SDHAF3: variants seen among roughly 807,000 people sequenced by gnomAD.
The protein encoded by SDHAF3 is succinate dehydrogenase complex assembly factor 3.
SDHAF3 carries 18 observed loss-of-function variants against 11.5 expected under a neutral mutation model. The ratio of observed to expected loss-of-function variants is 1.56; its 90% CI spans 1.08 to 2.32. The LOEUF is 2.32. Among genes scored for constraint, SDHAF3 ranks in the 30% most tolerant of loss-of-function variants. SDHAF3 has a pLI of 0.00. For synonymous variants in SDHAF3, 72 were observed against 59.3 expected, an observed-to-expected ratio of 1.21 and a Z score of -0.99; for missense variants, 200 against 154.4, an observed-to-expected ratio of 1.30 and a Z score of -1.57.
chr7:97,134,290 A>G (rs1274274354), intron 1 of SDHAF3, among the ~76,000 whole-genome samples: 1 of 152,190 alleles, frequency 6.6e-6, no homozygotes, highest in Non-Finnish European at 1.5e-5. Context: ...CATGGGCCTC[A>G]AGAGTTTGTG....
At chr7:97,154,162 C>G (rs562292398) in intron 1 of SDHAF3, among the ~76,000 whole-genome samples, 339 of 134,820 alleles carry the variant, frequency 2.5e-3, no homozygotes, top group African/African-American at 9.1e-3. Context: ...TACAAAGAAC[C>G]TTCTTAAGGG....
chr7:97,132,320 G>GT (rs1183241474), intron 1 of SDHAF3, among the ~76,000 whole-genome samples: 9 of 152,040 alleles, frequency 5.9e-5, no homozygotes, highest in Non-Finnish European at 1.2e-4. Context: ...TTCTTGTTGA[G>GT]TTTTGTAAAT....
chr7:97,170,923 T>A (rs992264363), intron 1 of SDHAF3, among the ~76,000 whole-genome samples: 5 of 152,214 alleles, frequency 3.3e-5, no homozygotes, highest in African/African-American at 9.6e-5. Context: ...AAGCTATCAA[T>A]CATCTTTGAC....
chr7:97,155,944 T>C (rs1789295118), intron 1 of SDHAF3, among the ~76,000 whole-genome samples: 1 of 152,188 alleles, frequency 6.6e-6, no homozygotes, highest in Non-Finnish European at 1.5e-5. Flanking sequence ...TTGAAAGTTT[T>C]AGGTTGTTTT....
intron 1 of SDHAF3, among the ~76,000 whole-genome samples, chr7:97,167,004 T>C (rs1789515521): frequency 6.6e-6 from 1 of 152,182 alleles, no homozygotes; most frequent in Non-Finnish European, 1.5e-5. Context: ...AGGCACTTTC[T>C]TTCTTGACAA....
intron 1 of SDHAF3, among the ~76,000 whole-genome samples, chr7:97,121,197 A>G (rs1290135397): frequency 1.3e-5 from 2 of 152,204 alleles, no homozygotes; most frequent in African/African-American, 2.4e-5. Context: ...ACGGCATTTT[A>G]AAAGTTCTGA....
intron 1 of SDHAF3, among the ~76,000 whole-genome samples, chr7:97,179,746 A>G (rs865813512): frequency 8.5e-5 from 11 of 129,976 alleles, no homozygotes; most frequent in African/African-American, 1.4e-4. Context: ...AAATAGTGCC[A>G]AGGTTGAAAA....
intron 1 of SDHAF3, among the ~76,000 whole-genome samples, chr7:97,159,221 A>T (rs1157197608): frequency 6.6e-6 from 1 of 152,220 alleles, no homozygotes; most frequent in African/African-American, 2.4e-5. Context: ...TAGTTTGTAG[A>T]TGTTCCTGTT....
At chr7:97,153,869 C>T (rs1000715290) in intron 1 of SDHAF3, among the ~76,000 whole-genome samples, 2 of 152,128 alleles carry the variant, frequency 1.3e-5, no homozygotes, top group East Asian at 3.9e-4. Context: ...TGGATGTTGG[C>T]TGTTTTAATT....
chr7:97,169,048 A>G (rs1181775935), intron 1 of SDHAF3, among the ~76,000 whole-genome samples: 10 of 152,198 alleles, frequency 6.6e-5, no homozygotes, highest in Admixed American at 6.5e-4. Context: ...TTTGCCTTTC[A>G]GGGCTGGGTG....
At chr7:97,125,276 TTTGTTTGCTC>T (rs1179166184) in intron 1 of SDHAF3, among the ~76,000 whole-genome samples, 3 of 152,220 alleles carry the variant, frequency 2.0e-5, no homozygotes, top group Non-Finnish European at 2.9e-5. Flanking sequence ...AGTTTTTGAA[TTTGTTTGCTC>T]TTGTTTGCCT....
At chr7:97,148,854 T>C (rs1164400558) in intron 1 of SDHAF3, among the ~76,000 whole-genome samples, 1 of 152,128 alleles carries the variant, frequency 6.6e-6, no homozygotes, top group Non-Finnish European at 1.5e-5. Context: ...ATATATATTA[T>C]CTGTAGCTAT....
At position 97,163,974 on chromosome 7, in the gene SDHAF3, A is replaced by C. The variant is rs201927983; in HGVS notation, c.175-17038A>C. Among the ~76,000 whole-genome samples, 17 of 150,200 alleles carry C rather than the reference A, an allele frequency of 1.1e-4. No homozygotes were observed. In the East Asian group the frequency reaches 3.1e-3, roughly 28 times the overall value. ...TTCTTTTTTTTTTTTTTTGAGACAC[A>C]GTCTTGCTCTGTTGCCAGGCTGGAA... On this transcript the variant is annotated intron_variant, in intron 1 of 1. Coordinates refer to ENST00000432641, the MANE Select transcript of SDHAF3 (RefSeq NM_020186.3).
chr7:97,117,837 A>G lies in SDHAF3; in HGVS notation c.114A>G (p.Glu38=), dbSNP rs1331162521. ...TGGGCGACCAGTACGTGAAAGACGA[A>G]TTTAGGAGACATAAGACCGTTGGTT... The part of the protein sequence containing the change: ...KSLGDQYVKD[E]FRRHKTVGSD... Residue 38 remains glutamate (E), a synonymous_variant, in exon 1 of 2, where the codon GAA becomes GAG. Coordinates refer to ENST00000432641, the MANE Select transcript of SDHAF3 (RefSeq NM_020186.3). The G allele has an allele frequency of 6.2e-7, 1 of 1,614,196 alleles. No individual in the cohort carries two copies. Among genetic ancestry groups the G allele is most frequent in the East Asian group, 2.2e-5 (1 of 44,880 alleles).
chr7:97,155,687 G>C (rs1254933822), intron 1 of SDHAF3, among the ~76,000 whole-genome samples: 9 of 151,990 alleles, frequency 5.9e-5, no homozygotes, highest in African/African-American at 2.2e-4. Flanking sequence ...TTTGATATTT[G>C]GTGTATATAC....
rs745998863 is a variant in SDHAF3, at chr7:97,117,895, G to C, written c.172G>C (p.Glu58Gln). 2 of 1,613,964 alleles carry C rather than the reference G, an allele frequency of 1.2e-6. No individual in the cohort carries two copies. Among genetic ancestry groups the C allele is most frequent in the Non-Finnish European group, 1.7e-6 (2 of 1,179,836 alleles). The change falls in exon 1 of 2, where the codon GAG (glutamate) becomes CAG (glutamine). Residue 58 changes from glutamate to glutamine, a missense_variant and splice_region_variant. Physicochemically the swap from Glu to Gln is conservative, Grantham distance 29. Coordinates refer to ENST00000432641, the MANE Select transcript of SDHAF3 (RefSeq NM_020186.3). ...DEAQRFLQEW[E>Q]VYATALLQQA... ...GGCACAGCGTTTCTTGCAAGAATGG[G>C]AGGCAAGTGACGCTCCCTTCTCTTT...
intron 1 of SDHAF3, among the ~76,000 whole-genome samples, chr7:97,151,509 T>TC (rs930925278): frequency 6.7e-6 from 1 of 150,288 alleles, no homozygotes; most frequent in Non-Finnish European, 1.5e-5. Context: ...AGTCCTTTTT[T>TC]TTTTTTTGAG....
chr7:97,169,755 A>AAATT (rs1223999180), intron 1 of SDHAF3, among the ~76,000 whole-genome samples: 1 of 152,124 alleles, frequency 6.6e-6, no homozygotes, highest in Non-Finnish European at 1.5e-5. Flanking sequence ...AAAAAAGAAA[A>AAATT]AATTATAGTT....
chr7:97,150,242 T>C (rs1789197165), intron 1 of SDHAF3, among the ~76,000 whole-genome samples: 1 of 152,250 alleles, frequency 6.6e-6, no homozygotes, highest in Non-Finnish European at 1.5e-5. Flanking sequence ...CCTGTTAATG[T>C]TGATAGTTTG....
Sources: gnomAD v4.1 joint callset for allele counts (sites outside exome capture counted in the v4.1 genomes callset) on GRCh38, gnomAD v4.1.1 for gene constraint, MANE v1.5 for transcripts, NCBI Gene and HGNC (gene_info 2026-07-23, HGNC 2026-07-21) for gene names.